The following MRPL18 variants were observed in gnomAD, a reference collection of about 807,000 sequenced individuals.
The protein encoded by MRPL18 is large ribosomal subunit protein uL18m.
MRPL18 carries 16 observed loss-of-function variants against 20.9 expected under a neutral mutation model. The ratio of observed to expected loss-of-function variants is 0.76; its 90% CI spans 0.52 to 1.16. MRPL18 has a LOEUF of 1.16. Among genes scored for constraint, MRPL18 ranks in the 50% most tolerant of loss-of-function variants. MRPL18 has a pLI of 0.00. For missense variants in MRPL18, 233 were observed against 230.6 expected, an observed-to-expected ratio of 1.01 and a Z score of -0.07; for synonymous variants, 91 against 87.1, an observed-to-expected ratio of 1.04 and a Z score of -0.25.
At chr6:159,792,347 C>T (rs528461544) in intron 2 of MRPL18, among the ~76,000 whole-genome samples, 3 of 152,246 alleles carry the variant, frequency 2.0e-5, no homozygotes, top group African/African-American at 7.2e-5. Context: ...AATTGGAAAT[C>T]ATTACTGTGT....
intron 2 of MRPL18, among the ~76,000 whole-genome samples, chr6:159,792,828 A>C (rs1780934756): frequency 6.6e-6 from 1 of 152,098 alleles, no homozygotes; most frequent in African/African-American, 2.4e-5. Context: ...GTTTGAGACA[A>C]GCTCTGGCTC....
rs141935383 is a variant in MRPL18 at position 159,795,870 on chromosome 6, A to G, written c.240-1417A>G. Among the ~76,000 whole-genome samples the G allele has an allele frequency of 7.8e-3, 1,185 of 152,114 alleles. 12 individuals are homozygous for G. Among genetic ancestry groups the G allele is most frequent in the African/African-American group, 0.026 (1,085 of 41,496 alleles). ...ATTATCACGGCTCACTGCAGCCACA[A>G]CCTCCTGGGCTCAAACAATCTTCCC... On this transcript the variant is annotated intron_variant, in intron 2 of 3. Transcript: ENST00000367034.
chr6:159,797,550 G>A, intron 3 of MRPL18, 32 bp downstream of exon 3: 1 of 1,586,316 alleles, frequency 6.3e-7, no homozygotes, highest in Non-Finnish European at 8.6e-7. Context: ...TATTGAAAAG[G>A]TATTGTGTTA....
chr6:159,790,784 C>T (rs1181289788), intron 1 of MRPL18, 145 bp downstream of exon 1: 9 of 1,372,782 alleles, frequency 6.6e-6, no homozygotes, highest in African/African-American at 4.3e-5. Flanking sequence ...AAGTTAAGGA[C>T]GGGGTCAGTG....
chr6:159,793,648 G>A (rs1216199816), intron 2 of MRPL18, among the ~76,000 whole-genome samples: 1 of 152,160 alleles, frequency 6.6e-6, no homozygotes, highest in Admixed American at 6.5e-5. Context: ...GGTGGCTCAC[G>A]TTTGTAATCC....
upstream of MRPL18, chr6:159,790,446 G>T (rs1780839891): frequency 9.9e-7 from 1 of 1,013,682 alleles, no homozygotes; most frequent in Non-Finnish European, 1.5e-6. Flanking sequence ...TGCTACTTCC[G>T]GGTCGGTGGC....
rs1427799727 is a variant in MRPL18, at chr6:159,798,078, A to G, written c.498A>G (p.Thr166=). 1 of 1,613,942 alleles carries G rather than the reference A, an allele frequency of 6.2e-7. No homozygotes were observed. The highest frequency in any genetic ancestry group is 1.7e-5 in the Admixed American group (1 of 59,990). The part of the protein sequence containing the change: ...DSMKRLQSAM[T]EGGVVLREPQ... ...TGAAACGACTACAAAGTGCCATGAC[A>G]GAAGGTGGTGTGGTTCTACGGGAAC... Residue 166 remains threonine (T), a synonymous_variant, in exon 4 of 4, where the codon ACA becomes ACG. Transcript: ENST00000367034.
chr6:159,791,494 T>C (rs1184272521), intron 2 of MRPL18, among the ~76,000 whole-genome samples: 1 of 152,050 alleles, frequency 6.6e-6, no homozygotes, highest in Non-Finnish European at 1.5e-5. Context: ...CATGGAGGGG[T>C]AAGGAGGCGA....
At chr6:159,796,711 G>A (rs1781037531) in intron 2 of MRPL18, among the ~76,000 whole-genome samples, 1 of 152,120 alleles carries the variant, frequency 6.6e-6, no homozygotes, top group South Asian at 2.1e-4. Flanking sequence ...TTGAGCCTAG[G>A]GGTTTGAGGC....
At chr6:159,790,706 G>C in intron 1 of MRPL18, 67 bp downstream of exon 1, 1 of 1,580,838 alleles carries the variant, frequency 6.3e-7, no homozygotes, top group Non-Finnish European at 8.7e-7. Context: ...TGGAACGTGC[G>C]GGTTCTATTT....
At position 159,792,197 on chromosome 6, in the gene MRPL18, C is replaced by G. The variant is rs186246182; in HGVS notation, c.239+1071C>G. 2.1e-3 allele frequency among the ~76,000 whole-genome samples: 326 copies of G among 152,238 alleles called. 1 individual carries two copies. Among genetic ancestry groups the G allele is most frequent in the African/African-American group, 7.3e-3 (303 of 41,538 alleles). On this transcript the variant is annotated intron_variant, in intron 2 of 3. Coordinates refer to ENST00000367034, the MANE Select transcript of MRPL18 (RefSeq NM_014161.5). The stretch of plus-strand genomic sequence containing the variant: ...GATTTACATATGTTTTAACTGACCT[C>G]AGAGCCAGGACGCTAGGTTATTACC...
chr6:159,795,097 G>A (rs920606297), intron 2 of MRPL18, among the ~76,000 whole-genome samples: 3 of 152,192 alleles, frequency 2.0e-5, no homozygotes, highest in East Asian at 1.9e-4. Flanking sequence ...ATTGCTGCCC[G>A]CATGTCCCAC....
In MRPL18 at chr6:159,797,439, T is replaced by A. The variant is rs1267530655; in HGVS notation, c.392T>A (p.Val131Glu). Residue 131 changes from valine (V) to glutamate (E), a missense_variant, in exon 3 of 4, where the codon GTG becomes GAG. By Grantham distance (121) the Val-to-Glu change is moderately radical. Transcript: ENST00000367034. ...GTGGCTTGTGAGAGTATAGGACGAGTGCTGGCACAGAGATGCTTAGAGGCG... is the reference window on the plus strand; with the variant it reads ...GTGGCTTGTGAGAGTATAGGACGAGAGCTGGCACAGAGATGCTTAGAGGCG... The part of the protein sequence containing the change: ...NVVACESIGR[V>E]LAQRCLEAGI... 1 of 1,614,104 alleles carries A rather than the reference T, an allele frequency of 6.2e-7. No homozygotes were observed. Among genetic ancestry groups the A allele is most frequent in the Non-Finnish European group, 8.5e-7 (1 of 1,180,020 alleles).
intron 2 of MRPL18, among the ~76,000 whole-genome samples, chr6:159,792,276 G>A (rs1780920696): frequency 6.6e-6 from 1 of 152,014 alleles, no homozygotes; most frequent in Non-Finnish European, 1.5e-5. Flanking sequence ...TTATCTGCTT[G>A]GTGAGGATTT....
Position 159,797,279 on chromosome 6 carries a change from C to T in MRPL18, c.240-8C>T. On this transcript the variant is annotated splice_polypyrimidine_tract_variant and splice_region_variant and intron_variant, in intron 2 of 3. Coordinates refer to ENST00000367034, the MANE Select transcript of MRPL18 (RefSeq NM_014161.5). ...TCTGTGATTTTATTATCTTCTCACC[C>T]CATTTAGGTTGCGAGTTATAAGGAC... The T allele has an allele frequency of 1.2e-6, 2 of 1,609,668 alleles. No homozygotes were observed. The highest frequency in any genetic ancestry group is 1.7e-6 in the Non-Finnish European group (2 of 1,176,034).
chr6:159,797,955 A>G (rs1158669140), intron 3 of MRPL18, 97 bp from the exon 4 acceptor site: 1 of 1,028,694 alleles, frequency 9.7e-7, no homozygotes, highest in Admixed American at 2.3e-5. Flanking sequence ...GCAAGAACAA[A>G]TCAATTTATT....
chr6:159,797,183 A>G, intron 2 of MRPL18, 104 bp from the exon 3 acceptor site: 1 of 1,125,918 alleles, frequency 8.9e-7, no homozygotes, highest in Middle Eastern at 2.6e-4. Context: ...AAATGAACCA[A>G]ACACTGGATT....
intron 2 of MRPL18, among the ~76,000 whole-genome samples, chr6:159,792,833 T>G (rs1450932987): frequency 1.3e-5 from 2 of 152,246 alleles, no homozygotes; most frequent in Admixed American, 1.3e-4. Flanking sequence ...AGACAAGCTC[T>G]GGCTCTATCA....
rs375117381 is a variant in MRPL18, at chr6:159,797,291, C to A, written c.244C>A (p.Arg82=). The change falls in exon 3 of 4, where the codon CGA becomes AGA. Residue 82 remains arginine, a synonymous_variant. Transcript: ENST00000367034. Reference sequence around the variant, plus strand: ...TTATCTTCTCACCCCATTTAGGTTGCGAGTTATAAGGACTCAGCATCATGT... The same window carrying A: ...TTATCTTCTCACCCCATTTAGGTTGAGAGTTATAAGGACTCAGCATCATGT... ...FPSREFWHRL[R]VIRTQHHVEA... The A allele has an allele frequency of 9.3e-6, 15 of 1,613,754 alleles. No homozygotes were observed. Among genetic ancestry groups the A allele is most frequent in the Non-Finnish European group, 1.1e-5 (13 of 1,179,804 alleles).
Sources: allele counts gnomAD v4.1 joint callset (sites outside exome capture counted in the v4.1 genomes callset), GRCh38; gene constraint gnomAD v4.1.1; transcripts MANE v1.5; gene names NCBI Gene and HGNC (gene_info 2026-07-23, HGNC 2026-07-21).